The following MND1 variants were observed in gnomAD, a reference collection of about 807,000 sequenced individuals.
The protein encoded by MND1 is meiotic nuclear divisions 1.
In MND1, 28 loss-of-function variants were observed where a neutral mutation model predicts 35.1. That is an observed-to-expected ratio of 0.80 (90% CI 0.59 to 1.09). MND1 has a LOEUF of 1.09. Among genes scored for constraint, MND1 ranks in the 50% least tolerant of loss-of-function variants. The pLI is 0.00. For synonymous variants in MND1, 69 were observed against 70.5 expected (o/e 0.98, Z 0.11); for missense variants, 213 against 239.6 (o/e 0.89, Z 0.73).
chr4:153,351,896 C>T (rs1210280729), intron 2 of MND1, among the ~76,000 whole-genome samples: 1 of 152,032 alleles, frequency 6.6e-6, no homozygotes, highest in Admixed American at 6.6e-5. Context: ...TGGTAAGATA[C>T]AGGGGGATTT....
At chr4:153,413,954 G>A (rs1703533827) in intron 7 of MND1, among the ~76,000 whole-genome samples, 1 of 152,100 alleles carries the variant, frequency 6.6e-6, no homozygotes, top group Admixed American at 6.5e-5. Context: ...AATCCCCCCA[G>A]GAGATGCTGA....
At chr4:153,344,834 A>G in intron 1 of MND1, 94 bp downstream of exon 1, 1 of 1,530,644 alleles carries the variant, frequency 6.5e-7, no homozygotes, top group Non-Finnish European at 8.8e-7. Context: ...CCTGGCGTTG[A>G]CCGCCATTCC....
intron 4 of MND1, among the ~76,000 whole-genome samples, chr4:153,383,578 A>G (rs1207275160): frequency 2.6e-5 from 4 of 152,190 alleles, no homozygotes; most frequent in African/African-American, 7.2e-5. Flanking sequence ...AAGGGACAGG[A>G]AGCTGAACTT....
intron 1 of MND1, among the ~76,000 whole-genome samples, chr4:153,347,862 A>C (rs962322987): frequency 6.6e-6 from 1 of 152,122 alleles, no homozygotes; most frequent in South Asian, 2.1e-4. Flanking sequence ...CATACTGTTA[A>C]TGGCAAAGTT....
intron 4 of MND1, among the ~76,000 whole-genome samples, chr4:153,365,666 C>A (rs889421158): frequency 1.3e-5 from 2 of 151,880 alleles, no homozygotes; most frequent in African/African-American, 4.8e-5. Flanking sequence ...GGGGCACAAT[C>A]ATAGCTCACT....
At position 153,401,040 on chromosome 4, in the gene MND1, T is replaced by A. The variant is rs562766136; in HGVS notation, c.466+3707T>A. Among the ~76,000 whole-genome samples the A allele has an allele frequency of 2.6e-5, 4 of 152,258 alleles. No homozygotes were observed. The South Asian group carries it at 8.3e-4, about 32-fold the overall frequency. ...AGATTAAATTTTGCAGAAGAAAGAA[T>A]TGATGTTAGTTGAAGATATAGCAAT... On this transcript the variant is annotated intron_variant, in intron 6 of 7. Transcript: ENST00000240488.
chr4:153,375,243 CAG>C (rs1262582652), intron 4 of MND1, among the ~76,000 whole-genome samples: 1 of 152,090 alleles, frequency 6.6e-6, no homozygotes, highest in Non-Finnish European at 1.5e-5. Context: ...CAAGGGAAAA[CAG>C]AAGGAATATT....
rs752323616 is a variant in MND1 at position 153,414,917 on chromosome 4, TCTAA to T, written c.*65_*68del. The stretch of plus-strand genomic sequence containing the variant: ...TGAATATGTAAATTTTAAACTATTA[TCTAA>T]CTAAGTGTACTGAATTGTCGTTTGC... On this transcript the variant is annotated 3_prime_UTR_variant, in exon 8 of 8. Transcript: ENST00000240488. 125 of 699,760 alleles carry T rather than the reference TCTAA, an allele frequency of 1.8e-4. 1 individual carries two copies. Among genetic ancestry groups the T allele is most frequent in the Middle Eastern group, 2.5e-4 (1 of 3,926 alleles). 43.3% of individuals were successfully genotyped at this position (699,760 alleles called of 1,614,324 possible).
At chr4:153,372,592 A>T (rs1773818704) in intron 4 of MND1, among the ~76,000 whole-genome samples, 1 of 152,076 alleles carries the variant, frequency 6.6e-6, no homozygotes, top group Non-Finnish European at 1.5e-5. Context: ...TCCCCTTTGT[A>T]AAATCATTCT....
chr4:153,380,797 T>TA (rs1326841227), intron 4 of MND1, among the ~76,000 whole-genome samples: 1 of 152,148 alleles, frequency 6.6e-6, no homozygotes, highest in African/African-American at 2.4e-5. Context: ...ATAAGGTAAA[T>TA]AAACTAAGAT....
At chr4:153,344,682 TCCCG>T (rs1773024150), upstream of MND1, 32 of 1,520,234 alleles carry the variant, frequency 2.1e-5, no homozygotes, top group Non-Finnish European at 2.8e-5. Context: ...TCCTGGCCTG[TCCCG>T]CCCCTCTCCC....
intron 1 of MND1, among the ~76,000 whole-genome samples, chr4:153,346,909 A>G (rs755473281): frequency 3.9e-5 from 6 of 152,182 alleles, no homozygotes; most frequent in South Asian, 2.1e-4. Context: ...AGGGATTCCC[A>G]TTGCCCCGCA....
chr4:153,376,376 A>G (rs563183164), intron 4 of MND1, among the ~76,000 whole-genome samples: 1 of 152,288 alleles, frequency 6.6e-6, no homozygotes, highest in Non-Finnish European at 1.5e-5. Flanking sequence ...AGGAAAAGCC[A>G]GGTAAAAATG....
At chr4:153,412,189 G>T (rs914650094) in intron 7 of MND1, among the ~76,000 whole-genome samples, 2 of 152,154 alleles carry the variant, frequency 1.3e-5, no homozygotes, top group African/African-American at 4.8e-5. Flanking sequence ...ATTTGATGCA[G>T]TAGTATTCTC....
chr4:153,404,788 G>A (rs935887031), intron 6 of MND1, among the ~76,000 whole-genome samples: 60 of 152,152 alleles, frequency 3.9e-4, no homozygotes, highest in African/African-American at 1.3e-3. Context: ...CCAAAAATTC[G>A]TTCTTTAAGC....
chr4:153,394,417 G>C (rs1729144820), intron 5 of MND1, 81 bp downstream of exon 5: 8 of 1,114,482 alleles, frequency 7.2e-6, no homozygotes, highest in Non-Finnish European at 1.0e-5. Context: ...CTGTGAGGAG[G>C]ATGCATTTCT....
At chr4:153,355,936 C>T in intron 3 of MND1, 2 of 389,622 alleles carry the variant, frequency 5.1e-6, no homozygotes, top group East Asian at 4.4e-5. Context: ...GAATATATAT[C>T]CCTGTCATTA....
chr4:153,388,478 C>A (rs541981242), intron 4 of MND1, among the ~76,000 whole-genome samples: 313 of 152,198 alleles, frequency 2.1e-3, no homozygotes, highest in Non-Finnish European at 3.8e-3. Context: ...CAGAGTAAGA[C>A]CCTGTCTCAA....
In MND1 at chr4:153,390,919, A is replaced by ATATGTGTG. The variant is rs1554012261; in HGVS notation, c.277-3342_277-3341insATGTGTGT. On this transcript the variant is annotated intron_variant, in intron 4 of 7. Transcript: ENST00000240488. ...TGTGTGTGTGTGTGTGTGTGTGTAT[A>ATATGTGTG]TGTGTGTGTGTGTGTGTGTGTGTAT... is the stretch of plus-strand genomic sequence containing the variant. 1.1e-4 allele frequency among the ~76,000 whole-genome samples: 14 copies of ATATGTGTG among 124,760 alleles called. No homozygotes were observed. In the South Asian group the frequency reaches 2.2e-3, roughly 19 times the overall value. The allele number at this position is 124,760 out of a possible 152,430, so 81.8% of individuals were successfully genotyped here. A position where few individuals can be genotyped will look rare whatever the true frequency, so the allele number is the denominator to read the frequency against.
Sources: gnomAD v4.1 joint callset for allele counts (sites outside exome capture counted in the v4.1 genomes callset) on GRCh38, gnomAD v4.1.1 for gene constraint, MANE v1.5 for transcripts, NCBI Gene and HGNC (gene_info 2026-07-23, HGNC 2026-07-21) for gene names.